Variants in MYO7A observed in about 807,000 individuals in gnomAD.
MYO7A encodes the protein unconventional myosin-VIIa.
MYO7A carries 210 observed loss-of-function variants against 263.8 expected under a neutral mutation model. The observed-to-expected ratio is 0.80, with a 90% CI of 0.71 to 0.89. MYO7A has a LOEUF of 0.89. MYO7A is among the 40% of genes least tolerant of loss of function. The probability of loss-of-function intolerance (pLI) is 0.00; values close to 1 mark genes in which losing one functional copy is unlikely to be tolerated. For missense variants in MYO7A, 2,820 were observed against 2,968.3 expected (o/e 0.95, Z 1.16); for synonymous variants, 1,239 against 1,197.3 (o/e 1.03, Z -0.72).
chr11:77,176,064 C>G (rs1954632650), intron 18 of MYO7A, among the ~76,000 whole-genome samples: 1 of 152,142 alleles, frequency 6.6e-6, no homozygotes, highest in Non-Finnish European at 1.5e-5. Flanking sequence ...GTGCGAGCTC[C>G]CAGTGCTGGG....
chr11:77,166,259 C>T (rs1953534552), intron 15 of MYO7A, 97 bp downstream of exon 15: 6 of 1,061,552 alleles, frequency 5.7e-6, no homozygotes, highest in Non-Finnish European at 8.6e-6. Context: ...GCTGAGCCCC[C>T]TGGCCACATA....
At chr11:77,155,764 T>C (rs1237371161) in intron 4 of MYO7A, 143 bp from the exon 5 acceptor site, 2 of 882,456 alleles carry the variant, frequency 2.3e-6, no homozygotes, top group Non-Finnish European at 3.3e-6. Flanking sequence ...GGAGGCCCGA[T>C]TCTGGCTCCA....
intron 3 of MYO7A, 88 bp downstream of exon 3, chr11:77,142,910 G>T: frequency 9.0e-7 from 1 of 1,116,720 alleles, no homozygotes; most frequent in South Asian, 1.3e-5. Context: ...TGATCGAAAG[G>T]AGATGGAGGC....
chr11:77,154,444 T>C (rs895336102), intron 4 of MYO7A, among the ~76,000 whole-genome samples: 1 of 152,166 alleles, frequency 6.6e-6, no homozygotes, highest in Non-Finnish European at 1.5e-5. Flanking sequence ...GTGTCATTCG[T>C]GGAAAATGCT....
Position 77,212,943 on chromosome 11 carries a change from T to G in MYO7A, c.6355-9T>G. ...CCCCCATCTGATGCCTTCTCATCTT[T>G]TTTTCTAGCAAACTACGGAGCCAAA... On this transcript the variant is annotated splice_polypyrimidine_tract_variant and intron_variant, in intron 46 of 48. Transcript: ENST00000409709. The G allele has an allele frequency of 6.3e-7, 1 of 1,583,724 alleles. No individual in the cohort carries two copies. The highest frequency in any genetic ancestry group is 8.6e-7 in the Non-Finnish European group (1 of 1,163,704).
At chr11:77,191,926 C>G in intron 30 of MYO7A, 125 bp from the exon 31 acceptor site, 1 of 795,168 alleles carries the variant, frequency 1.3e-6, no homozygotes, top group East Asian at 2.7e-5. Context: ...TCCTGGGGGC[C>G]TTGGACGTGT....
At chr11:77,191,043 C>T (rs1956030636) in intron 30 of MYO7A, 173 bp downstream of exon 30, 1 of 712,390 alleles carries the variant, frequency 1.4e-6, no homozygotes, top group African/African-American at 1.8e-5. Flanking sequence ...AGAACTCGGC[C>T]AGGTGCGGTG....
At position 77,214,992 on chromosome 11, in the gene MYO7A, G is replaced by A. The variant is rs1228154918; in HGVS notation, c.*296G>A. On this transcript the variant is annotated 3_prime_UTR_variant, in exon 49 of 49. Transcript: ENST00000409709. ...ATCCTTAGATGTGTCTCCTGTTTCA[G>A]ACCAGCCCCACCATGCAACTTCCTT... 1 of 371,682 alleles carries A rather than the reference G, an allele frequency of 2.7e-6. No individual in the cohort carries two copies. The highest frequency in any genetic ancestry group is 2.0e-5 in the African/African-American group (1 of 48,884). 23.0% of individuals were successfully genotyped at this position (371,682 alleles called of 1,614,324 possible). A position where few individuals can be genotyped will look rare whatever the true frequency, so the allele number is the denominator to read the frequency against.
intron 15 of MYO7A, among the ~76,000 whole-genome samples, chr11:77,167,542 G>A (rs923922155): frequency 6.6e-6 from 1 of 152,136 alleles, no homozygotes; most frequent in African/African-American, 2.4e-5. Flanking sequence ...TGAAACAGCA[G>A]CCCTGTTGCA....
chr11:77,211,568 G>A (rs1182495562), intron 45 of MYO7A, among the ~76,000 whole-genome samples: 2 of 151,444 alleles, frequency 1.3e-5, no homozygotes, highest in Non-Finnish European at 2.9e-5. Flanking sequence ...TTACCATGGT[G>A]ACCTGTTTGT....
intron 30 of MYO7A, 22 bp downstream of exon 30, chr11:77,190,892 TCCTCCC>T (rs767615489): frequency 5.4e-5 from 83 of 1,526,158 alleles, no homozygotes; most frequent in East Asian, 7.4e-5. Flanking sequence ...CGGAAGCACC[TCCTCCC>T]GGAAGCACCT....
chr11:77,184,680 C>A lies in MYO7A; in HGVS notation c.3468C>A (p.Phe1156Leu). 6.3e-7 allele frequency: 1 copy of A among 1,598,830 alleles called. No individual in the cohort carries two copies. ...CCTCCAACCTGGAGAAGCTGCACTT[C>A]ATCATCGGCAATGGCATCCTGCGGC... ...RPTSNLEKLHFIIGNGILRPA... is the reference protein window; with the variant it reads ...RPTSNLEKLHLIIGNGILRPA... Residue 1156 changes from phenylalanine (F) to leucine (L), a missense_variant, in exon 27 of 49, where the codon TTC (phenylalanine) becomes TTA (leucine). Physicochemically the swap from Phe to Leu is conservative, Grantham distance 22. Coordinates refer to ENST00000409709, the MANE Select transcript of MYO7A (RefSeq NM_000260.4).
intron 32 of MYO7A, among the ~76,000 whole-genome samples, chr11:77,196,739 G>A (rs1020029799): frequency 2.6e-5 from 4 of 152,094 alleles, no homozygotes; most frequent in Non-Finnish European, 5.9e-5. Flanking sequence ...GCTCTCATGG[G>A]TGGAGATGGG....
At chr11:77,193,313 T>G (rs1956363202) in intron 31 of MYO7A, among the ~76,000 whole-genome samples, 1 of 124,624 alleles carries the variant, frequency 8.0e-6, no homozygotes, top group African/African-American at 3.5e-5. Flanking sequence ...GACAGTGTTG[T>G]GGGTAGTGAT....
rs73495790 is a variant in MYO7A at position 77,192,149 on chromosome 11, C to T, written c.4023C>T (p.Pro1341=). 3.7e-3 allele frequency: 5,895 copies of T among 1,613,982 alleles called. 191 individuals are homozygous for T. The African/African-American group carries it at 0.069, about 19-fold the overall frequency. The part of the protein sequence containing the change: ...KEQGAQERNA[P]WRLFFRKEVF... Reference sequence around the variant, plus strand: ...AGGGCGCCCAGGAGCGCAACGCCCCCTGGAGGCTCTTCTTCCGCAAAGAGG... The same window carrying T: ...AGGGCGCCCAGGAGCGCAACGCCCCTTGGAGGCTCTTCTTCCGCAAAGAGG... Residue 1341 remains proline, a synonymous_variant, in exon 31 of 49, where the codon CCC becomes CCT. Coordinates refer to ENST00000409709, the MANE Select transcript of MYO7A (RefSeq NM_000260.4).
intron 12 of MYO7A, 129 bp downstream of exon 12, chr11:77,161,244 G>A (rs1273108418): frequency 1.4e-5 from 16 of 1,165,894 alleles, no homozygotes; most frequent in African/African-American, 3.1e-5. Context: ...CCGTCATCAC[G>A]GTGGACCCTC....
In MYO7A at chr11:77,192,082, T is replaced by C. The variant is rs773962194; in HGVS notation, c.3956T>C (p.Val1319Ala). ...TCCCTGGGCAGCGGCAGTGACCACG[T>C]CATGGACGCCATCTCCCAGTGCGAG... ...VSSLGSGSDH[V>A]MDAISQCEQY... The change falls in exon 31 of 49, where the codon GTC becomes GCC. Residue 1319 changes from valine (V) to alanine (A), a missense_variant. Coordinates refer to ENST00000409709, the MANE Select transcript of MYO7A (RefSeq NM_000260.4). 5.6e-6 allele frequency: 9 copies of C among 1,613,736 alleles called. No homozygotes were observed. The highest frequency in any genetic ancestry group is 7.6e-6 in the Non-Finnish European group (9 of 1,179,884).
At chr11:77,214,102 T>G in intron 48 of MYO7A, 123 bp downstream of exon 48, 1 of 1,366,028 alleles carries the variant, frequency 7.3e-7, no homozygotes, top group African/African-American at 1.4e-5. Context: ...GCAAGGGTCA[T>G]GCTGGGGCCA....
In MYO7A at chr11:77,202,986, G is replaced by A; in HGVS notation, c.5169-74G>A. The A allele has an allele frequency of 1.0e-5, 15 of 1,506,856 alleles. No homozygotes were observed. In the South Asian group the frequency reaches 1.7e-4, roughly 17 times the overall value. The allele number at this position is 1,506,856 out of a possible 1,614,324, so 93.3% of individuals were successfully genotyped here. On this transcript the variant is annotated intron_variant, in intron 37 of 48. Coordinates refer to ENST00000409709, the MANE Select transcript of MYO7A (RefSeq NM_000260.4). Reference sequence around the variant, plus strand: ...GACACAGGGATGGGTGGGGGTGGGGGTCTCACAACCTGGGGGTTTCTCCCC... The same window carrying A: ...GACACAGGGATGGGTGGGGGTGGGGATCTCACAACCTGGGGGTTTCTCCCC...
Sources: allele counts gnomAD v4.1 joint callset (sites outside exome capture counted in the v4.1 genomes callset), GRCh38; gene constraint gnomAD v4.1.1; transcripts MANE v1.5; gene names NCBI Gene and HGNC (gene_info 2026-07-23, HGNC 2026-07-21).